RHPN2: variants seen among roughly 807,000 people sequenced by gnomAD.
RHPN2 encodes the protein rhophilin Rho GTPase binding protein 2.
RHPN2 carries 40 observed loss-of-function variants against 79.0 expected under a neutral mutation model. The observed-to-expected ratio is 0.51, with a 90% CI of 0.39 to 0.66. RHPN2 has a LOEUF of 0.66. Among genes scored for constraint, RHPN2 ranks in the 30% least tolerant of loss-of-function variants. The pLI is 0.00. For missense variants in RHPN2, 686 were observed against 883.5 expected (o/e 0.78, Z 2.83); for synonymous variants, 285 against 363.5 (o/e 0.78, Z 2.46).
chr19:33,059,502 G>C (rs568701386), intron 1 of RHPN2, among the ~76,000 whole-genome samples: 2 of 151,908 alleles, frequency 1.3e-5, no homozygotes, highest in East Asian at 1.9e-4. Flanking sequence ...GTTTCACCGT[G>C]TTGGCCAGGC....
chr19:33,023,455 A>G (rs1971941050), intron 3 of RHPN2, among the ~76,000 whole-genome samples: 1 of 149,756 alleles, frequency 6.7e-6, no homozygotes, highest in South Asian at 2.1e-4. Flanking sequence ...AAAAAAAAGA[A>G]AAAAAAAAGA....
rs566659132 is a variant in RHPN2 at position 33,018,332 on chromosome 19, A to G, written c.390+3239T>C. Among the ~76,000 whole-genome samples the G allele has an allele frequency of 5.9e-5, 9 of 152,030 alleles. No homozygotes were observed. The South Asian group carries it at 1.7e-3, about 28-fold the overall frequency. On this transcript the variant is annotated intron_variant, in intron 4 of 14. Coordinates refer to ENST00000254260, the MANE Select transcript of RHPN2 (RefSeq NM_033103.5). ...CAACAGAGTGAGACTGTGTCTCAAA[A>G]AAAAAAGAGAGAGAGAGAGAGAGAC...
At chr19:33,032,061 C>G (rs375059357) in intron 2 of RHPN2, among the ~76,000 whole-genome samples, 513 of 142,458 alleles carry the variant, frequency 3.6e-3, no homozygotes, top group African/African-American at 0.013. Flanking sequence ...CACTCTTTCC[C>G]CCGGGCTGGA....
chr19:33,034,940 AAT>A (rs1308798208), intron 2 of RHPN2, among the ~76,000 whole-genome samples: 10 of 151,950 alleles, frequency 6.6e-5, no homozygotes. Context: ...CTCTAAAACA[AAT>A]ATGTTTTTTA....
At chr19:33,059,137 TCTCA>T (rs1393026962) in intron 1 of RHPN2, among the ~76,000 whole-genome samples, 3 of 151,774 alleles carry the variant, frequency 2.0e-5, no homozygotes, top group Non-Finnish European at 4.4e-5. Flanking sequence ...CCTCATGGGT[TCTCA>T]CTCACTGCCC....
chr19:33,022,875 C>T (rs8106013), intron 3 of RHPN2, among the ~76,000 whole-genome samples: 76,566 of 151,938 alleles, frequency 0.5, 23,973 homozygotes, highest in African/African-American at 0.86. Context: ...CATGGAAAGC[C>T]GGATCCTGCT....
intron 2 of RHPN2, among the ~76,000 whole-genome samples, chr19:33,037,175 T>C (rs1568322843): frequency 6.6e-6 from 1 of 152,202 alleles, no homozygotes; most frequent in Non-Finnish European, 1.5e-5. Context: ...ATCAGCACCC[T>C]GTGTCTAGCT....
chr19:33,047,253 A>C (rs1568325570), intron 1 of RHPN2, among the ~76,000 whole-genome samples: 1 of 152,232 alleles, frequency 6.6e-6, no homozygotes, highest in Non-Finnish European at 1.5e-5. Flanking sequence ...AAAAATAGAT[A>C]GCTCATTCTT....
In RHPN2 at chr19:33,048,725, C is replaced by CAAAAAAAAAAAAAAAAA. The variant is rs58396784; in HGVS notation, c.70-4378_70-4362dup. 1.6e-4 allele frequency among the ~76,000 whole-genome samples: 10 copies of CAAAAAAAAAAAAAAAAA among 62,674 alleles called. 1 individual carries two copies. Among genetic ancestry groups the CAAAAAAAAAAAAAAAAA allele is most frequent in the African/African-American group, 5.7e-4 (8 of 14,130 alleles). 41.1% of individuals were successfully genotyped at this position (62,674 alleles called of 152,430 possible). ...TGGGTGACACAGCGAGACTCAGTCT[C>CAAAAAAAAAAAAAAAAA]AAAAAAAAAAAAAAAAAAAACTTTA... is the stretch of plus-strand genomic sequence containing the variant. On this transcript the variant is annotated intron_variant, in intron 1 of 14. Coordinates refer to ENST00000254260, the MANE Select transcript of RHPN2 (RefSeq NM_033103.5).
intron 14 of RHPN2, among the ~76,000 whole-genome samples, chr19:32,984,523 G>A (rs918294133): frequency 2.6e-5 from 4 of 151,986 alleles, no homozygotes; most frequent in Admixed American, 6.6e-5. Context: ...GCCAGACATC[G>A]TGGTGGGTGC....
At chr19:33,037,112 G>A (rs1972064950) in intron 2 of RHPN2, among the ~76,000 whole-genome samples, 1 of 152,226 alleles carries the variant, frequency 6.6e-6, no homozygotes, top group South Asian at 2.1e-4. Flanking sequence ...CTAAGGGATT[G>A]TAAATACACC....
intron 9 of RHPN2, among the ~76,000 whole-genome samples, chr19:33,001,570 G>A (rs990763607): frequency 7.2e-5 from 11 of 151,726 alleles, no homozygotes; most frequent in Admixed American, 1.3e-4. Context: ...ATAAAATTCC[G>A]ATCATCACAG....
intron 1 of RHPN2, among the ~76,000 whole-genome samples, chr19:33,049,996 G>A (rs960950157): frequency 6.6e-6 from 1 of 152,030 alleles, no homozygotes; most frequent in Non-Finnish European, 1.5e-5. Flanking sequence ...CCACTCTCCC[G>A]CCTCATAGCC....
At chr19:32,993,465 C>T (rs1971677210) in intron 12 of RHPN2, among the ~76,000 whole-genome samples, 1 of 152,032 alleles carries the variant, frequency 6.6e-6, no homozygotes, top group Non-Finnish European at 1.5e-5. Context: ...CAGAGTGAGA[C>T]TCTGTCTCAA....
chr19:33,045,532 G>A (rs1333837782), intron 1 of RHPN2, among the ~76,000 whole-genome samples: 1 of 151,636 alleles, frequency 6.6e-6, no homozygotes. Context: ...GCAGTGCAGT[G>A]GCACAATCTC....
Position 33,011,887 on chromosome 19 carries a change from G to A in RHPN2, c.469-84C>T, listed in dbSNP as rs1971838356. The A allele has an allele frequency of 4.5e-6, 7 of 1,568,718 alleles. No homozygotes were observed. The South Asian group carries it at 7.8e-5, about 17-fold the overall frequency. On this transcript the variant is annotated intron_variant, in intron 5 of 14. Coordinates refer to ENST00000254260, the MANE Select transcript of RHPN2 (RefSeq NM_033103.5). ...CCCAGAAGGTGCCCTGCACATACCA[G>A]CAGGTGCCTGTAACTATTTCTGCAG...
intron 1 of RHPN2, among the ~76,000 whole-genome samples, chr19:33,047,282 A>G (rs1599833665): frequency 1.3e-5 from 2 of 152,256 alleles, no homozygotes; most frequent in African/African-American, 2.4e-5. Flanking sequence ...TATGTTTATT[A>G]TAACAGTGAA....
intron 10 of RHPN2, 178 bp from the exon 11 acceptor site, chr19:32,996,398 C>T (rs1427350492): frequency 1.5e-6 from 1 of 659,250 alleles, no homozygotes; most frequent in Non-Finnish European, 2.7e-6. Context: ...CAGAGAGAGC[C>T]GGACAGACTC....
chr19:33,001,498 T>C (rs1357528855), intron 9 of RHPN2, among the ~76,000 whole-genome samples: 4 of 152,074 alleles, frequency 2.6e-5, no homozygotes, highest in Non-Finnish European at 4.4e-5. Context: ...GCCATGATCA[T>C]ACCACTGCAC....
Sources: allele counts gnomAD v4.1 joint callset (sites outside exome capture counted in the v4.1 genomes callset), GRCh38; gene constraint gnomAD v4.1.1; transcripts MANE v1.5; gene names NCBI Gene and HGNC (gene_info 2026-07-23, HGNC 2026-07-21).